Variants in PCDHGA6 observed in about 807,000 individuals in gnomAD.
PCDHGA6 encodes protocadherin gamma-A6.
A neutral mutation model predicts 60.6 loss-of-function variants in PCDHGA6; 41 were observed. The ratio of observed to expected loss-of-function variants is 0.68; its 90% CI spans 0.53 to 0.88. The LOEUF is 0.88. Ranked by LOEUF, PCDHGA6 falls within the 40% of genes least tolerant of loss-of-function variation. The pLI is 0.00. For synonymous variants in PCDHGA6, 594 were observed against 524.4 expected (o/e 1.13, Z -1.81); for missense variants, 1,312 against 1,203.0 (o/e 1.09, Z -1.34).
intron 1 of PCDHGA6, among the ~76,000 whole-genome samples, chr5:141,466,080 C>A (rs1186062704): frequency 6.6e-6 from 1 of 152,108 alleles, no homozygotes; most frequent in East Asian, 1.9e-4. Flanking sequence ...TGATATCATG[C>A]CACTGCACTC....
intron 1 of PCDHGA6, among the ~76,000 whole-genome samples, chr5:141,381,823 CTTCTT>C (rs1323470445): frequency 1.5e-4 from 15 of 101,616 alleles, no homozygotes; most frequent in African/African-American, 5.6e-4. Context: ...TTTCTTTCTT[CTTCTT>C]TTTTTTTTTT....
Position 141,489,772 on chromosome 5 carries a change from T to C in PCDHGA6, c.2425-5035T>C, listed in dbSNP as rs1327700197. 6.2e-7 allele frequency: 1 copy of C among 1,614,154 alleles called. No individual in the cohort carries two copies. The highest frequency in any genetic ancestry group is 8.5e-7 in the Non-Finnish European group (1 of 1,179,994). ...TTACACTCTAAGCCCCAACAGCCAC[T>C]TCTCTCTGAATGTGAAGACCCTAAA... On this transcript the variant is annotated intron_variant, in intron 1 of 3. Coordinates refer to ENST00000517434, the MANE Select transcript of PCDHGA6 (RefSeq NM_018919.3). This position sits in a 1 kb window ranked among gnomAD's most constrained non-coding sequence, Gnocchi z 4.5.
chr5:141,387,761 A>C lies in PCDHGA6; in HGVS notation c.2424+11254A>C, dbSNP rs539874780. The C allele has an allele frequency of 9.8e-5, 139 of 1,420,618 alleles. 1 individual carries two copies. The African/African-American group carries it at 1.7e-3, about 17-fold the overall frequency. The allele number at this position is 1,420,618 out of a possible 1,614,324, so 88.0% of individuals were successfully genotyped here. A position where few individuals can be genotyped will look rare whatever the true frequency, so the allele number is the denominator to read the frequency against. On this transcript the variant is annotated intron_variant, in intron 1 of 3. Transcript: ENST00000517434. ...ACACCGCTTCCTCCTCGGAAAAAGA[A>C]GAATTTTTTCTTGAACTGGAACTGC...
intron 1 of PCDHGA6, chr5:141,404,727 T>G (rs762980421): frequency 6.2e-7 from 1 of 1,613,912 alleles, no homozygotes; most frequent in Non-Finnish European, 8.5e-7. Flanking sequence ...ACCAAGGTGG[T>G]GGCAGTGGAC....
chr5:141,484,958 G>C (rs2099604320), intron 1 of PCDHGA6: 1 of 575,756 alleles, frequency 1.7e-6, no homozygotes, highest in Non-Finnish European at 3.1e-6. Flanking sequence ...TATTGGCTGA[G>C]CCCGGGAGCC....
chr5:141,389,553 G>A, intron 1 of PCDHGA6: 1 of 1,613,234 alleles, frequency 6.2e-7, no homozygotes, highest in South Asian at 1.1e-5. Context: ...CAACGACAAT[G>A]CGCCACGGGT....
intron 1 of PCDHGA6, chr5:141,394,142 A>G (rs751602442): frequency 6.2e-7 from 1 of 1,613,996 alleles, no homozygotes; most frequent in Non-Finnish European, 8.5e-7. Flanking sequence ...TGCACGTGGC[A>G]GACATTAACG....
chr5:141,436,713 G>T (rs2097842329), intron 1 of PCDHGA6, among the ~76,000 whole-genome samples: 1 of 152,190 alleles, frequency 6.6e-6, no homozygotes, highest in Non-Finnish European at 1.5e-5. Context: ...TCGATGTTCT[G>T]TTGGGAAAAA....
At chr5:141,453,083 A>G (rs1404530649) in intron 1 of PCDHGA6, among the ~76,000 whole-genome samples, 1 of 152,044 alleles carries the variant, frequency 6.6e-6, no homozygotes, top group African/African-American at 2.4e-5. Flanking sequence ...CTGGTTGATT[A>G]GTATATTTTC....
At chr5:141,405,256 G>GATGTGATGCTCT (rs1316160577) in intron 1 of PCDHGA6, 2 of 1,614,050 alleles carry the variant, frequency 1.2e-6, no homozygotes, top group Non-Finnish European at 1.7e-6. Flanking sequence ...AGAGTCACCT[G>GATGTGATGCTCT]ATCTTCCCCC....
chr5:141,398,747 A>G (rs1046077050), intron 1 of PCDHGA6: 5 of 1,613,378 alleles, frequency 3.1e-6, no homozygotes, highest in Non-Finnish European at 4.2e-6. Flanking sequence ...CAACAGAGTT[A>G]CCATCGTTTA....
At chr5:141,456,306 G>C (rs937409031) in intron 1 of PCDHGA6, among the ~76,000 whole-genome samples, 1 of 152,158 alleles carries the variant, frequency 6.6e-6, no homozygotes, top group Non-Finnish European at 1.5e-5. Context: ...GAGAACAGCA[G>C]CTAGGGCTCC....
chr5:141,502,003 G>A (rs945565369), intron 2 of PCDHGA6, among the ~76,000 whole-genome samples: 17 of 151,966 alleles, frequency 1.1e-4, no homozygotes, highest in Admixed American at 1.1e-3. Flanking sequence ...CTGACAACCC[G>A]CATGCTCTCC....
chr5:141,508,451 C>T (rs1245251907), intron 3 of PCDHGA6, among the ~76,000 whole-genome samples: 1 of 152,180 alleles, frequency 6.6e-6, no homozygotes, highest in Admixed American at 6.5e-5. Flanking sequence ...AGTGGCAGAG[C>T]AGAGCAAATA....
intron 1 of PCDHGA6, chr5:141,492,023 C>T: frequency 1.8e-6 from 1 of 564,804 alleles, no homozygotes; most frequent in Non-Finnish European, 3.0e-6. Context: ...TCGGGGGTCC[C>T]GGGAGGAGGC....
rs140916255 is a variant in PCDHGA6, at chr5:141,475,995, C to A, written c.2425-18812C>A. 2,057 of 1,172,604 alleles carry A rather than the reference C, an allele frequency of 1.8e-3. 30 individuals carry two copies. The African/African-American group carries it at 0.027, about 16-fold the overall frequency. 72.6% of individuals were successfully genotyped at this position (1,172,604 alleles called of 1,614,324 possible). ...ACTGAACAGCCGGCGAGCAAATCAA[C>A]GGCATCCAGAAAGCCATGTCGGACT... On this transcript the variant is annotated intron_variant, in intron 1 of 3. Coordinates refer to ENST00000517434, the MANE Select transcript of PCDHGA6 (RefSeq NM_018919.3).
chr5:141,496,440 A>G (rs2099768848), intron 2 of PCDHGA6, among the ~76,000 whole-genome samples: 1 of 152,158 alleles, frequency 6.6e-6, no homozygotes, highest in South Asian at 2.1e-4. Flanking sequence ...AAGTTGCTAC[A>G]GATGCTGAGC....
rs751024373 is a variant in PCDHGA6, at chr5:141,491,801, G to A, written c.2425-3006G>A. On this transcript the variant is annotated intron_variant, in intron 1 of 3. Coordinates refer to ENST00000517434, the MANE Select transcript of PCDHGA6 (RefSeq NM_018919.3). The surrounding 1 kb of genome is among the most constrained non-coding windows in gnomAD (Gnocchi z 6.9). ...AACTTGCATCCACTCCTCTCCGGCC[G>A]GCTTGGTCGCTGGCTGCGCTCCACC... 2.7e-6 allele frequency: 4 copies of A among 1,500,726 alleles called. No homozygotes were observed. The Admixed American group carries it at 7.3e-5, about 28-fold the overall frequency. 93.0% of individuals were successfully genotyped at this position (1,500,726 alleles called of 1,614,324 possible). A position where few individuals can be genotyped will look rare whatever the true frequency, so the allele number is the denominator to read the frequency against.
Position 141,410,699 on chromosome 5 carries a change from A to C in PCDHGA6, c.2424+34192A>C, listed in dbSNP as rs760193148. On this transcript the variant is annotated intron_variant, in intron 1 of 3. Transcript: ENST00000517434. ...ATTTTAGGCATACTACTTTATTTTC[A>C]TATCTAGAATCATATGTTTAAAATC... The C allele has an allele frequency of 2.0e-6, 3 of 1,478,344 alleles. No homozygotes were observed. In the South Asian group the frequency reaches 4.0e-5, roughly 20 times the overall value. The allele number at this position is 1,478,344 out of a possible 1,614,324, so 91.6% of individuals were successfully genotyped here. A position where few individuals can be genotyped will look rare whatever the true frequency, so the allele number is the denominator to read the frequency against.
Sources: gnomAD v4.1 joint callset for allele counts (sites outside exome capture counted in the v4.1 genomes callset) on GRCh38, gnomAD v4.1.1 for gene constraint, Gnocchi (gnomAD v3.1) non-coding constraint, MANE v1.5 for transcripts, NCBI Gene and HGNC (gene_info 2026-07-23, HGNC 2026-07-21) for gene names.